Variants in DNAJC9 observed in about 807,000 individuals in gnomAD.
DNAJC9 encodes dnaJ homolog subfamily C member 9.
In DNAJC9, 18 loss-of-function variants were observed where a neutral mutation model predicts 32.4. That is an observed-to-expected ratio of 0.56 (90% CI 0.38 to 0.82). The LOEUF (loss-of-function observed/expected upper bound fraction) is 0.82. Among genes scored for constraint, DNAJC9 ranks in the 40% least tolerant of loss-of-function variants. DNAJC9 has a pLI of 0.00. For synonymous variants in DNAJC9, 113 were observed against 122.1 expected (o/e 0.93, Z 0.49); for missense variants, 310 against 321.8 (o/e 0.96, Z 0.28).
At chr10:73,243,622 A>G (rs2043977339) in intron 4 of DNAJC9, 103 bp from the exon 5 acceptor site, 2 of 1,448,220 alleles carry the variant, frequency 1.4e-6, no homozygotes, top group East Asian at 4.6e-5. Context: ...ACTAATGGGT[A>G]TGGAGTTTTT....
At chr10:73,239,666 TA>T (rs201361133), downstream of DNAJC9, among the ~76,000 whole-genome samples, 10 of 150,992 alleles carry the variant, frequency 6.6e-5, no homozygotes, top group East Asian at 1.9e-4. Context: ...TTTTTTTTTT[TA>T]AATCTAAAAA....
Position 73,243,877 on chromosome 10 carries a change from T to A in DNAJC9, c.629A>T (p.Asp210Val), listed in dbSNP as rs1258332758. 6.2e-7 allele frequency: 1 copy of A among 1,614,124 alleles called. No homozygotes were observed. Among genetic ancestry groups the A allele is most frequent in the Admixed American group, 1.7e-5 (1 of 60,004 alleles). ...AEMSRKELGL[D>V]EGVDSLKAAI... ...TGCCTTCAGGCTATCCACGCCTTCA[T>A]CAAGCCCCAACTCCTTTCTGCTCAT... Residue 210 changes from aspartate (D) to valine (V), a missense_variant, in exon 4 of 5, where the codon GAT becomes GTT. Coordinates refer to ENST00000372950, the MANE Select transcript of DNAJC9 (RefSeq NM_015190.5).
At chr10:73,235,394 C>T (rs1015514278), downstream of DNAJC9, 6 of 1,534,700 alleles carry the variant, frequency 3.9e-6, no homozygotes, top group Admixed American at 1.0e-4. Flanking sequence ...GTTTGGCAGA[C>T]TTAAGATTTT....
At chr10:73,239,374 G>A, downstream of DNAJC9, 1 of 1,551,438 alleles carries the variant, frequency 6.4e-7, no homozygotes, top group African/African-American at 1.4e-5. Context: ...GACCTGGCAG[G>A]GGATCTGCAG....
intron 3 of DNAJC9, 60 bp downstream of exon 3, chr10:73,245,862 T>C: frequency 6.3e-7 from 1 of 1,586,148 alleles, no homozygotes; most frequent in East Asian, 2.2e-5. Flanking sequence ...CTGCTGTAAA[T>C]ACTCTCAAAT....
At chr10:73,233,513 TTG>T (rs1182061307) in intron 2 of DNAJC9, among the ~76,000 whole-genome samples, 2 of 152,048 alleles carry the variant, frequency 1.3e-5, no homozygotes, top group African/African-American at 4.8e-5. Flanking sequence ...GGTTAACTTT[TTG>T]TGTTTTTAGT....
At position 73,246,100 on chromosome 10, in the gene DNAJC9, G is replaced by T; in HGVS notation, c.398C>A (p.Ala133Asp). The change falls in exon 3 of 5, where the codon GCC becomes GAC. Residue 133 changes from alanine (A) to aspartate (D), a missense_variant. Ala to Asp is a moderately radical substitution (Grantham distance 126, BLOSUM62 -2). Transcript: ENST00000372950. The stretch of plus-strand genomic sequence containing the variant: ...CATGTCACCCTTGAAGTCCAGATAG[G>T]CCTGCTTAATATCAGCCAGCTCTTC... ...SEEELADIKQ[A>D]YLDFKGDMDQ... The T allele has an allele frequency of 6.2e-7, 1 of 1,613,978 alleles. No homozygotes were observed. The highest frequency in any genetic ancestry group is 1.1e-5 in the South Asian group (1 of 91,048).
Position 73,246,802 on chromosome 10 carries a change from G to A in DNAJC9, c.207C>T (p.Leu69=). ...FQILGKVYSV[L]SDREQRAVYD... The stretch of plus-strand genomic sequence containing the variant: ...ACACTGCTCTCTGTTCTCTGTCACT[G>A]AGAACGGAATAGACTTTTCCCAGGA... Residue 69 remains leucine (L), a synonymous_variant, in exon 2 of 5, where the codon CTC becomes CTT. Coordinates refer to ENST00000372950, the MANE Select transcript of DNAJC9 (RefSeq NM_015190.5). The A allele has an allele frequency of 2.5e-6, 4 of 1,614,166 alleles. No individual in the cohort carries two copies. Among genetic ancestry groups the A allele is most frequent in the Non-Finnish European group, 3.4e-6 (4 of 1,180,014 alleles).
At chr10:73,236,513 A>G (rs2043825926), downstream of DNAJC9, among the ~76,000 whole-genome samples, 1 of 149,320 alleles carries the variant, frequency 6.7e-6, no homozygotes, top group Non-Finnish European at 1.5e-5. Context: ...TACTGGGTTC[A>G]TGTGATTCTC....
Position 73,247,178 on chromosome 10 carries a change from C to T in DNAJC9, c.12G>A (p.Leu4=). 6 of 1,593,924 alleles carry T rather than the reference C, an allele frequency of 3.8e-6. No individual in the cohort carries two copies. Among genetic ancestry groups the T allele is most frequent in the Non-Finnish European group, 4.3e-6 (5 of 1,171,294 alleles). ...TGCCGAACACTTCCTCGCAAAGGTCCAGCAGCCCCATGCCGGGCGGAGATA... is the reference window on the plus strand; with the variant it reads ...TGCCGAACACTTCCTCGCAAAGGTCTAGCAGCCCCATGCCGGGCGGAGATA... The part of the protein sequence containing the change: MGL[L]DLCEEVFGTA... Residue 4 remains leucine, a synonymous_variant, in exon 1 of 5, where the codon CTG becomes CTA. Coordinates refer to ENST00000372950, the MANE Select transcript of DNAJC9 (RefSeq NM_015190.5).
intron 2 of DNAJC9, among the ~76,000 whole-genome samples, chr10:73,232,560 G>A (rs938907138): frequency 3.7e-4 from 56 of 152,332 alleles, no homozygotes; most frequent in African/African-American, 1.3e-3. Context: ...CAGCACAAAA[G>A]AATGCCTCAA....
In DNAJC9 at chr10:73,243,428, T is replaced by C. The variant is rs746991590; in HGVS notation, c.755A>G (p.Lys252Arg). ...TTTCTTTTCTTTCTTGAGAGCAGAT[T>C]TTTTCCCTCCTCCTTTGGAAGATTT... is the stretch of plus-strand genomic sequence containing the variant. ...YCKSSKGGGKKSALKKEKK is the reference protein window; with the variant it reads ...YCKSSKGGGKRSALKKEKK Residue 252 changes from lysine (K) to arginine (R), a missense_variant, in exon 5 of 5, where the codon AAA (lysine) becomes AGA (arginine). By Grantham distance (26) the Lys-to-Arg change is conservative. Transcript: ENST00000372950. 1.2e-6 allele frequency: 2 copies of C among 1,613,878 alleles called. No individual in the cohort carries two copies. The highest frequency in any genetic ancestry group is 1.7e-6 in the Non-Finnish European group (2 of 1,179,936).
At chr10:73,237,774 G>A (rs1299993040), downstream of DNAJC9, among the ~76,000 whole-genome samples, 1 of 151,680 alleles carries the variant, frequency 6.6e-6, no homozygotes, top group Non-Finnish European at 1.5e-5. Context: ...CACCCAGGCT[G>A]GAGTGTAGTG....
chr10:73,240,522 C>A (rs967284329), downstream of DNAJC9, among the ~76,000 whole-genome samples: 16 of 152,084 alleles, frequency 1.1e-4, no homozygotes, highest in Admixed American at 2.6e-4. Context: ...ACCATCCTGG[C>A]TAACATGGTG....
At chr10:73,238,719 T>G (rs1199183683), downstream of DNAJC9, 5 of 152,222 alleles carry the variant, frequency 3.3e-5, no homozygotes, top group Admixed American at 2.6e-4. Context: ...TTCAGTGCTC[T>G]CTCAAGGGAA....
chr10:73,240,438 C>A (rs56195322), downstream of DNAJC9, among the ~76,000 whole-genome samples: 2 of 152,132 alleles, frequency 1.3e-5, no homozygotes, highest in Non-Finnish European at 2.9e-5. Flanking sequence ...ACTGGCTGGG[C>A]GTGGTGGCTC....
intron 3 of DNAJC9, among the ~76,000 whole-genome samples, chr10:73,245,270 C>T (rs1185591827): frequency 6.6e-6 from 1 of 151,974 alleles, no homozygotes; most frequent in Non-Finnish European, 1.5e-5. Flanking sequence ...CTCAGGAAGG[C>T]AGCAGTGGTC....
chr10:73,235,097 T>C (rs776858653), downstream of DNAJC9: 1,249 of 1,457,806 alleles, frequency 8.6e-4, no homozygotes, highest in Non-Finnish European at 1.1e-3. Flanking sequence ...CTGTTTGGCC[T>C]GCACTTACCA....
At chr10:73,240,065 C>CA (rs2043907240), downstream of DNAJC9, among the ~76,000 whole-genome samples, 1 of 152,146 alleles carries the variant, frequency 6.6e-6, no homozygotes, top group Admixed American at 6.5e-5. Context: ...GCTAGGGCTA[C>CA]AAGCAGTGCC....
Sources: gnomAD v4.1 joint callset for allele counts (sites outside exome capture counted in the v4.1 genomes callset) on GRCh38, gnomAD v4.1.1 for gene constraint, MANE v1.5 for transcripts, NCBI Gene and HGNC (gene_info 2026-07-23, HGNC 2026-07-21) for gene names.